Variants in CD163L1 observed in about 807,000 individuals in gnomAD.
CD163L1 encodes the protein scavenger receptor cysteine-rich type 1 protein M160.
Under a neutral mutation model 165.4 loss-of-function variants are expected in CD163L1, and 124 were observed. The observed-to-expected ratio is 0.75, with a 90% CI of 0.65 to 0.87. The LOEUF (loss-of-function observed/expected upper bound fraction) is 0.87. Among genes scored for constraint, CD163L1 ranks in the 40% least tolerant of loss-of-function variants. The pLI, the probability that CD163L1 is intolerant of heterozygous loss-of-function variation, is 0.00. For synonymous variants in CD163L1, 585 were observed against 662.2 expected, an observed-to-expected ratio of 0.88 and a Z score of 1.79; for missense variants, 1,525 against 1,799.9, an observed-to-expected ratio of 0.85 and a Z score of 2.76.
downstream of CD163L1, among the ~76,000 whole-genome samples, chr12:7,345,072 T>C (rs933447732): frequency 2.6e-5 from 4 of 152,232 alleles, no homozygotes; most frequent in East Asian, 1.9e-4. Context: ...CTTCTTGTTA[T>C]GCAAGTATCT....
the CD163L1 span, among the ~76,000 whole-genome samples, chr12:7,334,394 T>C: frequency 0.051 from 7,723 of 152,188 alleles, 238 homozygotes; most frequent in Middle Eastern, 0.099. Flanking sequence ...AAAAACCACA[T>C]GATTATCTCA....
chr12:7,336,242 AG>A, the CD163L1 span, among the ~76,000 whole-genome samples: 1 of 142,208 alleles, frequency 7.0e-6, no homozygotes, highest in East Asian at 2.0e-4. Flanking sequence ...ACAATAGCAA[AG>A]ACTTGGAACC....
chr12:7,431,914 G>T (rs1228131679), intron 4 of CD163L1, among the ~76,000 whole-genome samples: 1 of 152,144 alleles, frequency 6.6e-6, no homozygotes, highest in Non-Finnish European at 1.5e-5. Context: ...GTAGCACACG[G>T]ATATATGTAT....
Position 7,404,114 on chromosome 12 carries a change from T to C in CD163L1, c.1088-259A>G, listed in dbSNP as rs372966230. 7.9e-5 allele frequency among the ~76,000 whole-genome samples: 12 copies of C among 152,256 alleles called. No homozygotes were observed. In the East Asian group the frequency reaches 1.9e-3, roughly 24 times the overall value. ...AACAATCTTCTTTTAAATATGAAAATTGAAATTATAATCCTAAGAACCTTG... is the reference window on the plus strand; with the variant it reads ...AACAATCTTCTTTTAAATATGAAAACTGAAATTATAATCCTAAGAACCTTG... On this transcript the variant is annotated intron_variant, in intron 5 of 19. Transcript: ENST00000313599.
chr12:7,439,602 GTTAT>G (rs1441811518), intron 2 of CD163L1: 2 of 1,591,222 alleles, frequency 1.3e-6, no homozygotes, highest in Non-Finnish European at 8.6e-7. Flanking sequence ...CAAATATGTC[GTTAT>G]TTAAGGATAG....
downstream of CD163L1, among the ~76,000 whole-genome samples, chr12:7,349,985 A>G (rs111495420): frequency 6.6e-5 from 10 of 152,232 alleles, no homozygotes; most frequent in African/African-American, 2.4e-4. Context: ...TTCTCTCCTG[A>G]TGCAAAAAAT....
chr12:7,434,024 C>T (rs1948678769), intron 2 of CD163L1, among the ~76,000 whole-genome samples: 1 of 152,140 alleles, frequency 6.6e-6, no homozygotes, highest in South Asian at 2.1e-4. Context: ...GAAAGAAAGT[C>T]CCTTGGCTAG....
chr12:7,408,958 A>G (rs1948081116), intron 4 of CD163L1, among the ~76,000 whole-genome samples: 1 of 152,200 alleles, frequency 6.6e-6, no homozygotes. Context: ...CCAGTCATCC[A>G]AGGGAAAAAA....
the CD163L1 span, chr12:7,324,264 G>GT: frequency 6.2e-7 from 1 of 1,611,096 alleles, no homozygotes; most frequent in African/African-American, 1.3e-5. Context: ...TGTCATCCTT[G>GT]GTTCCCAGGA....
the CD163L1 span, among the ~76,000 whole-genome samples, chr12:7,335,373 C>G: frequency 1.1e-4 from 16 of 152,018 alleles, no homozygotes; most frequent in Non-Finnish European, 2.1e-4. Flanking sequence ...ACAAACCTGA[C>G]AAAAACAAGC....
At chr12:7,438,968 T>C (rs117265691) in intron 2 of CD163L1, 23,391 of 1,606,786 alleles carry the variant, frequency 0.015, 235 homozygotes, top group Non-Finnish European at 0.016. Context: ...CTTCCTGCTC[T>C]CTCTAGTGTC....
downstream of CD163L1, among the ~76,000 whole-genome samples, chr12:7,351,849 T>C (rs1373233358): frequency 6.6e-6 from 1 of 152,070 alleles, no homozygotes; most frequent in African/African-American, 2.4e-5. Flanking sequence ...TAAATGGGTC[T>C]AAAGGACACA....
At chr12:7,387,308 C>T (rs910197316) in intron 8 of CD163L1, among the ~76,000 whole-genome samples, 3 of 152,116 alleles carry the variant, frequency 2.0e-5, no homozygotes, top group African/African-American at 7.2e-5. Context: ...AATTACAAAA[C>T]ATTGATGAAT....
At chr12:7,440,102 A>T in intron 2 of CD163L1, 2 of 843,760 alleles carry the variant, frequency 2.4e-6, no homozygotes, top group Non-Finnish European at 3.8e-6. Context: ...AAGCCGACCA[A>T]TGGCGGGCTT....
chr12:7,396,387 C>T lies in CD163L1; in HGVS notation c.1758G>A (p.Val586=). 1.2e-6 allele frequency: 2 copies of T among 1,609,664 alleles called. No homozygotes were observed. The highest frequency in any genetic ancestry group is 2.2e-5 in the East Asian group (1 of 44,674). The part of the protein sequence containing the change: ...SGDATWGLRL[V]GGSNRCSGRL... Reference sequence around the variant, plus strand: ...TTCCCGAGCAGCGGTTGCTGCCGCCCACCAGCCTCAGGCCCCATGTTGCAT... The same window carrying T: ...TTCCCGAGCAGCGGTTGCTGCCGCCTACCAGCCTCAGGCCCCATGTTGCAT... Residue 586 remains valine (V), a synonymous_variant, in exon 8 of 20, where the codon GTG becomes GTA. Coordinates refer to ENST00000313599, the MANE Select transcript of CD163L1 (RefSeq NM_174941.6).
intron 6 of CD163L1, among the ~76,000 whole-genome samples, chr12:7,399,199 T>C (rs1391800146): frequency 6.6e-6 from 1 of 151,510 alleles, no homozygotes; most frequent in Non-Finnish European, 1.5e-5. Context: ...TTTCCTTTTC[T>C]TCTTTCTCTT....
intron 4 of CD163L1, among the ~76,000 whole-genome samples, chr12:7,431,055 C>T (rs941408616): frequency 6.6e-6 from 1 of 151,994 alleles, no homozygotes; most frequent in East Asian, 1.9e-4. Flanking sequence ...CGTTGCTTTC[C>T]GTAGTGACTT....
intron 18 of CD163L1, among the ~76,000 whole-genome samples, chr12:7,359,139 C>T (rs1003050594): frequency 8.6e-5 from 13 of 151,798 alleles, no homozygotes; most frequent in African/African-American, 3.1e-4. Context: ...AATAGGAATG[C>T]TAGAAGGAGA....
chr12:7,324,734 T>C, the CD163L1 span: 14 of 893,790 alleles, frequency 1.6e-5, no homozygotes, highest in Non-Finnish European at 2.2e-5. Flanking sequence ...AAAATATAAA[T>C]CAGGCAACCA....
Sources: allele counts gnomAD v4.1 joint callset (sites outside exome capture counted in the v4.1 genomes callset), GRCh38; gene constraint gnomAD v4.1.1; transcripts MANE v1.5; gene names NCBI Gene and HGNC (gene_info 2026-07-23, HGNC 2026-07-21).